The following PDE8B variants were observed in gnomAD, a reference collection of about 807,000 sequenced individuals.
The protein encoded by PDE8B is high affinity cAMP-specific and IBMX-insensitive 3',5'-cyclic phosphodiesterase 8B.
PDE8B carries 26 observed loss-of-function variants against 101.3 expected under a neutral mutation model. The observed-to-expected ratio is 0.26, with a 90% CI of 0.19 to 0.36. The LOEUF is 0.36. PDE8B is among the 10% of genes least tolerant of loss of function. The pLI is 1.00. For synonymous variants in PDE8B, 424 were observed against 429.3 expected (o/e 0.99, Z 0.15); for missense variants, 810 against 1,163.1 (o/e 0.70, Z 4.42).
the PDE8B span, among the ~76,000 whole-genome samples, chr5:77,137,657 C>T: frequency 6.6e-6 from 1 of 152,192 alleles, no homozygotes; most frequent in Non-Finnish European, 1.5e-5. Context: ...CAGAAAAAGG[C>T]TCCCTACGGA....
At chr5:77,331,269 C>T (rs1204398548) in intron 4 of PDE8B, 133 bp from the exon 5 acceptor site, 18 of 796,080 alleles carry the variant, frequency 2.3e-5, no homozygotes, top group Middle Eastern at 3.3e-4. Context: ...AGGTGTGCCC[C>T]GTGGGCACGT....
the PDE8B span, chr5:77,134,174 T>G: frequency 6.6e-6 from 1 of 152,140 alleles, no homozygotes; most frequent in Non-Finnish European, 1.5e-5. Flanking sequence ...CATAAAGCAT[T>G]GGAATGGTTA....
At chr5:77,301,084 G>A (rs1769820010) in intron 1 of PDE8B, among the ~76,000 whole-genome samples, 1 of 152,200 alleles carries the variant, frequency 6.6e-6, no homozygotes, top group African/African-American at 2.4e-5. Flanking sequence ...CCCAGCATGA[G>A]TGGTCCTGAC....
intron 10 of PDE8B, among the ~76,000 whole-genome samples, chr5:77,355,644 C>A (rs1259105916): frequency 6.6e-6 from 1 of 152,214 alleles, no homozygotes; most frequent in Non-Finnish European, 1.5e-5. Flanking sequence ...TGAGGTTTGT[C>A]TGTTGTCTTC....
chr5:77,176,197 C>T, the PDE8B span, among the ~76,000 whole-genome samples: 1 of 152,158 alleles, frequency 6.6e-6, no homozygotes, highest in African/African-American at 2.4e-5. Context: ...AAAGCCACCT[C>T]ACTCCCACTC....
chr5:77,219,266 C>T (rs1750545952), intron 1 of PDE8B, among the ~76,000 whole-genome samples: 1 of 152,178 alleles, frequency 6.6e-6, no homozygotes, highest in Non-Finnish European at 1.5e-5. Context: ...CTGTCAGACA[C>T]AGTATATTGT....
chr5:77,114,160 G>A, the PDE8B span: 2 of 151,916 alleles, frequency 1.3e-5, no homozygotes, highest in African/African-American at 4.8e-5. Flanking sequence ...TCCATTACTG[G>A]GTATATACCC....
chr5:77,400,270 C>A lies in PDE8B; in HGVS notation c.1190C>A (p.Ser397Ter). The change falls in exon 11 of 22, where the codon TCA becomes TAA. Residue 397 changes from serine to a stop codon, truncating the protein, a stop_gained. Transcript: ENST00000264917. LOFTEE classifies it high-confidence loss of function. ...TAGATTCACAAGATTCATCGTGATTCAGGAGACAATTCTCAGACAGGTGAG... is the reference window on the plus strand; with the variant it reads ...TAGATTCACAAGATTCATCGTGATTAAGGAGACAATTCTCAGACAGGTGAG... The part of the protein sequence containing the change: ...NKQIHKIHRD[S>*]GDNSQTEPHS... The A allele has an allele frequency of 6.2e-7, 1 of 1,602,548 alleles. No homozygotes were observed. Among genetic ancestry groups the A allele is most frequent in the Non-Finnish European group, 8.6e-7 (1 of 1,169,552 alleles).
At chr5:77,361,365 A>C (rs898494746) in intron 10 of PDE8B, among the ~76,000 whole-genome samples, 5 of 152,236 alleles carry the variant, frequency 3.3e-5, no homozygotes, top group Non-Finnish European at 7.3e-5. Context: ...TATCATGTCT[A>C]TAGTAGTTTC....
chr5:77,412,722 C>T (rs1794805271), intron 16 of PDE8B, among the ~76,000 whole-genome samples: 1 of 147,532 alleles, frequency 6.8e-6, no homozygotes, highest in African/African-American at 2.5e-5. Flanking sequence ...AATGATAGGA[C>T]TTTGGGACCA....
Position 77,427,991 on chromosome 5 carries a change from G to A in PDE8B, c.*1437G>A, listed in dbSNP as rs577190171. ...AAAATGACTTATCACTACATAATGTGCCAATGTTTTTTTCTATGTTTTGTA... is the reference window on the plus strand; with the variant it reads ...AAAATGACTTATCACTACATAATGTACCAATGTTTTTTTCTATGTTTTGTA... On this transcript the variant is annotated 3_prime_UTR_variant, in exon 22 of 22. Coordinates refer to ENST00000264917, the MANE Select transcript of PDE8B (RefSeq NM_003719.5). 3.9e-5 allele frequency: 6 copies of A among 152,244 alleles called. No homozygotes were observed. Among genetic ancestry groups the A allele is most frequent in the African/African-American group, 1.4e-4 (6 of 41,548 alleles). The allele number at this position is 152,244 out of a possible 1,614,324, so 9.4% of individuals were successfully genotyped here. A position where few individuals can be genotyped will look rare whatever the true frequency, so the allele number is the denominator to read the frequency against.
the PDE8B span, chr5:77,106,104 T>C: frequency 1.3e-5 from 2 of 152,352 alleles, no homozygotes; most frequent in South Asian, 4.1e-4. Flanking sequence ...AATATTTTTT[T>C]CCCATTCTGT....
intron 1 of PDE8B, among the ~76,000 whole-genome samples, chr5:77,232,858 T>C (rs1004392923): frequency 6.6e-6 from 1 of 152,224 alleles, no homozygotes; most frequent in Non-Finnish European, 1.5e-5. Flanking sequence ...ATGATAAAAA[T>C]TTGTAATCCA....
chr5:77,239,093 T>A (rs1232945087), intron 1 of PDE8B, among the ~76,000 whole-genome samples: 2 of 152,220 alleles, frequency 1.3e-5, no homozygotes, highest in Non-Finnish European at 2.9e-5. Context: ...CTGTCAATTA[T>A]CTTGTCCCAT....
rs571158950 is a variant in PDE8B at position 77,375,978 on chromosome 5, C to T, written c.1167+22572C>T. ...TGCAGTCTCGGCTCACCGCAACCTC[C>T]GCCTCCCAGGTTCAAGCGATTCTCC... is the stretch of plus-strand genomic sequence containing the variant. On this transcript the variant is annotated intron_variant, in intron 10 of 21. Coordinates refer to ENST00000264917, the MANE Select transcript of PDE8B (RefSeq NM_003719.5). 4.7e-5 allele frequency among the ~76,000 whole-genome samples: 7 copies of T among 148,250 alleles called. No homozygotes were observed. In the South Asian group the frequency reaches 8.6e-4, roughly 18 times the overall value.
chr5:77,119,413 C>T, the PDE8B span: 2 of 152,142 alleles, frequency 1.3e-5, no homozygotes, highest in Non-Finnish European at 2.9e-5. Flanking sequence ...AATCCCAGCA[C>T]TTTGGGAGGC....
At position 77,244,841 on chromosome 5, in the gene PDE8B, A is replaced by G. The variant is rs1194500432; in HGVS notation, c.339+33577A>G. Among the ~76,000 whole-genome samples the G allele has an allele frequency of 4.6e-5, 7 of 152,218 alleles. No individual in the cohort carries two copies. In the East Asian group the frequency reaches 1.4e-3, roughly 29 times the overall value. On this transcript the variant is annotated intron_variant, in intron 1 of 21. Coordinates refer to ENST00000264917, the MANE Select transcript of PDE8B (RefSeq NM_003719.5). Reference sequence around the variant, plus strand: ...TCCAGGGGCCATCCTCTTGACCACTAAGCTAGTCACCCCTCAATGTAATGC... The same window carrying G: ...TCCAGGGGCCATCCTCTTGACCACTGAGCTAGTCACCCCTCAATGTAATGC...
At chr5:77,225,843 C>G (rs975576720) in intron 1 of PDE8B, among the ~76,000 whole-genome samples, 4 of 121,432 alleles carry the variant, frequency 3.3e-5, no homozygotes, top group Non-Finnish European at 6.9e-5. Flanking sequence ...ATCCCACATG[C>G]GCGTGCACAC....
the PDE8B span, among the ~76,000 whole-genome samples, chr5:77,156,082 T>C: frequency 6.6e-6 from 1 of 152,184 alleles, no homozygotes; most frequent in Non-Finnish European, 1.5e-5. Flanking sequence ...TCTTCCTAAT[T>C]ATATTTTGCT....
Sources: allele counts gnomAD v4.1 joint callset (sites outside exome capture counted in the v4.1 genomes callset), GRCh38; gene constraint gnomAD v4.1.1; transcripts MANE v1.5; gene names NCBI Gene and HGNC (gene_info 2026-07-23, HGNC 2026-07-21).